The following CYP11A1 variants were observed in gnomAD, a reference collection of about 807,000 sequenced individuals.
CYP11A1 encodes cytochrome P450 family 11 subfamily A member 1.
Under a neutral mutation model 51.9 loss-of-function variants are expected in CYP11A1, and 25 were observed. The ratio of observed to expected loss-of-function variants is 0.48; its 90% CI spans 0.35 to 0.67. The LOEUF is 0.67. Ranked by LOEUF, CYP11A1 falls within the 30% of genes least tolerant of loss-of-function variation. The probability of loss-of-function intolerance (pLI) is 0.00; values close to 1 mark genes in which losing one functional copy is unlikely to be tolerated. For missense variants in CYP11A1, 578 were observed against 680.9 expected (o/e 0.85, Z 1.68); for synonymous variants, 245 against 262.1 (o/e 0.93, Z 0.63).
At chr15:74,341,996 T>G (rs1312546995) in intron 5 of CYP11A1, among the ~76,000 whole-genome samples, 1 of 152,204 alleles carries the variant, frequency 6.6e-6, no homozygotes, top group Non-Finnish European at 1.5e-5. Flanking sequence ...GTTTGTTGTT[T>G]AAATCGCCCA....
chr15:74,366,195 G>A (rs2060732427), intron 1 of CYP11A1: 2 of 985,350 alleles, frequency 2.0e-6, no homozygotes, highest in African/African-American at 1.7e-5. Context: ...TGGGAGGAAT[G>A]CTGGGTCTGT....
At chr15:74,349,931 G>A (rs760375290) in intron 1 of CYP11A1, among the ~76,000 whole-genome samples, 15 of 152,142 alleles carry the variant, frequency 9.9e-5, no homozygotes, top group Non-Finnish European at 1.3e-4. Flanking sequence ...CACCCTGGGA[G>A]ACAGAGCAAG....
At position 74,337,985 on chromosome 15, in the gene CYP11A1, G is replaced by T; in HGVS notation, c.1553C>A (p.Ala518Glu). 4 of 1,614,064 alleles carry T rather than the reference G, an allele frequency of 2.5e-6. No individual in the cohort carries two copies. Among genetic ancestry groups the T allele is most frequent in the South Asian group, 2.2e-5 (2 of 91,076 alleles). ...SFTFWPFNQE[A>E]TQQ ...CATCCTCTCTGATCACTGCTGGGTT[G>T]CTTCCTGGTTAAAGGGCCAGAAGGT... The change falls in exon 9 of 9, where the codon GCA (alanine) becomes GAA (glutamate). Residue 518 changes from alanine (A) to glutamate (E), a missense_variant. Transcript: ENST00000268053.
intron 1 of CYP11A1, chr15:74,366,961 C>CGTAT: frequency 3.4e-6 from 1 of 294,988 alleles, no homozygotes; most frequent in Non-Finnish European, 6.5e-6. Flanking sequence ...AGTGATCCGC[C>CGTAT]CACCTCGGCC....
chr15:74,339,150 G>T, intron 7 of CYP11A1, 87 bp downstream of exon 7: 1 of 1,149,348 alleles, frequency 8.7e-7, no homozygotes, highest in Non-Finnish European at 1.3e-6. Context: ...GCCCCACCAG[G>T]GCCCCAGTGC....
At chr15:74,351,914 T>C (rs1304198182) in intron 1 of CYP11A1, among the ~76,000 whole-genome samples, 8 of 152,238 alleles carry the variant, frequency 5.3e-5, no homozygotes, top group Admixed American at 5.2e-4. Flanking sequence ...AAATTTTGGT[T>C]CACAGCCTTC....
chr15:74,346,070 C>T (rs1421992477), intron 2 of CYP11A1, among the ~76,000 whole-genome samples: 10 of 152,068 alleles, frequency 6.6e-5, no homozygotes, highest in Admixed American at 4.6e-4. Context: ...AAAAAGCTGT[C>T]GGTCAGACAC....
At chr15:74,359,769 A>C (rs1167877707) in intron 1 of CYP11A1, among the ~76,000 whole-genome samples, 1 of 152,170 alleles carries the variant, frequency 6.6e-6, no homozygotes, top group African/African-American at 2.4e-5. Flanking sequence ...TGGTCTCTTC[A>C]CAGGGACACG....
At chr15:74,361,327 C>T in intron 1 of CYP11A1, 1 of 216,072 alleles carries the variant, frequency 4.6e-6, no homozygotes, top group East Asian at 1.2e-4. Context: ...TATATGTTAC[C>T]AATCACAATT....
chr15:74,366,866 C>T (rs148956489), intron 1 of CYP11A1: 4,379 of 178,912 alleles, frequency 0.024, 199 homozygotes, highest in African/African-American at 0.099. Flanking sequence ...CAGGCGCCTG[C>T]CACCACACCC....
intron 1 of CYP11A1, chr15:74,361,807 A>C: frequency 8.2e-7 from 1 of 1,215,624 alleles, no homozygotes; most frequent in Non-Finnish European, 1.2e-6. Flanking sequence ...TTTGATGATG[A>C]GAACTTCATC....
At chr15:74,366,342 G>A in intron 1 of CYP11A1, 6 of 815,226 alleles carry the variant, frequency 7.4e-6, no homozygotes, top group Non-Finnish European at 8.8e-6. Context: ...GGAGTGCAGT[G>A]ACATGATCTC....
intron 3 of CYP11A1, 87 bp from the exon 4 acceptor site, chr15:74,344,079 C>T (rs1442025259): frequency 8.3e-6 from 9 of 1,079,188 alleles, no homozygotes; most frequent in Non-Finnish European, 1.1e-5. Flanking sequence ...ACCCTCACCT[C>T]CCTCAGCACA....
intron 1 of CYP11A1, among the ~76,000 whole-genome samples, chr15:74,351,489 C>T (rs1436033043): frequency 6.6e-6 from 1 of 152,200 alleles, no homozygotes; most frequent in Admixed American, 6.5e-5. Flanking sequence ...ATCCAGTTCA[C>T]ATTACAGTTC....
chr15:74,339,480 C>A, intron 6 of CYP11A1, 107 bp downstream of exon 6: 1 of 1,503,964 alleles, frequency 6.6e-7, no homozygotes, highest in South Asian at 1.2e-5. Context: ...TCACTTCCTG[C>A]TTCCAACCTC....
At chr15:74,348,266 A>G (rs969939538) in intron 1 of CYP11A1, 4 of 594,192 alleles carry the variant, frequency 6.7e-6, no homozygotes, top group Non-Finnish European at 1.2e-5. Flanking sequence ...GACAATAGGA[A>G]GTATATGGAT....
At chr15:74,343,179 A>G in intron 4 of CYP11A1, 42 bp from the exon 5 acceptor site, 1 of 1,609,790 alleles carries the variant, frequency 6.2e-7, no homozygotes, top group Non-Finnish European at 8.5e-7. Context: ...GGTTCCCTGC[A>G]GGCGGGTGGG....
Position 74,348,044 on chromosome 15 carries a change from C to T in CYP11A1, c.281G>A (p.Gly94Asp). The stretch of plus-strand genomic sequence containing the variant: ...GATGACATAAACCGACTCCACGTTG[C>T]CGAGCTTCTCCCTGGAGGGGTGGGG... ...KYGPIYREKL[G>D]NVESVYVIDP... The change falls in exon 2 of 9, where the codon GGC (glycine) becomes GAC (aspartate). Residue 94 changes from glycine (G) to aspartate (D), a missense_variant. Transcript: ENST00000268053. 1.2e-6 allele frequency: 2 copies of T among 1,614,134 alleles called. No homozygotes were observed. The highest frequency in any genetic ancestry group is 2.2e-5 in the South Asian group (2 of 91,074).
At position 74,343,072 on chromosome 15, in the gene CYP11A1, G is replaced by A. The variant is rs758182574; in HGVS notation, c.895C>T (p.Arg299Cys). The A allele has an allele frequency of 4.0e-5, 65 of 1,613,734 alleles. No individual in the cohort carries two copies. Among genetic ancestry groups the A allele is most frequent in the African/African-American group, 9.3e-5 (7 of 74,910 alleles). ...CCCAGGAGTCTGTAGAGGATGCCACGGTAATCGTGGTGAACACTTCCTTTC... is the reference window on the plus strand; with the variant it reads ...CCCAGGAGTCTGTAGAGGATGCCACAGTAATCGTGGTGAACACTTCCTTTC... ...RQKGSVHHDY[R>C]GILYRLLGDS... Residue 299 changes from arginine (R) to cysteine (C), a missense_variant, in exon 5 of 9, where the codon CGT becomes TGT. Physicochemically the swap from Arg to Cys is radical, Grantham distance 180. Coordinates refer to ENST00000268053, the MANE Select transcript of CYP11A1 (RefSeq NM_000781.3).
Sources: gnomAD v4.1 joint callset for allele counts (sites outside exome capture counted in the v4.1 genomes callset) on GRCh38, gnomAD v4.1.1 for gene constraint, MANE v1.5 for transcripts, NCBI Gene and HGNC (gene_info 2026-07-23, HGNC 2026-07-21) for gene names.